The following SYVN1 variants were observed in gnomAD, a reference collection of about 807,000 sequenced individuals.
SYVN1 encodes synoviolin 1, also known as E3 ubiquitin-protein ligase synoviolin.
A neutral mutation model predicts 62.6 loss-of-function variants in SYVN1; 17 were observed. That is an observed-to-expected ratio of 0.27 (90% CI 0.19 to 0.41). SYVN1 has a LOEUF of 0.41. Among genes scored for constraint, SYVN1 ranks in the 10% least tolerant of loss-of-function variants. SYVN1 has a pLI of 1.00. For synonymous variants in SYVN1, 316 were observed against 304.0 expected (o/e 1.04, Z -0.41); for missense variants, 634 against 818.0 (o/e 0.78, Z 2.74).
At position 65,133,261 on chromosome 11, in the gene SYVN1, G is replaced by T. The variant is rs369147382; in HGVS notation, c.133-9C>A. ...GCCTGGATGTACAGGACCTAGGAGT[G>T]GGGAGAGGCTGTGGTTTGAGGTCAC... On this transcript the variant is annotated splice_polypyrimidine_tract_variant and intron_variant, in intron 2 of 15. Transcript: ENST00000377190. 2 of 1,613,990 alleles carry T rather than the reference G, an allele frequency of 1.2e-6. No individual in the cohort carries two copies. The highest frequency in any genetic ancestry group is 1.7e-6 in the Non-Finnish European group (2 of 1,179,850).
At chr11:65,133,697 T>C (rs1948210574) in intron 1 of SYVN1, 79 bp from the exon 2 acceptor site, 3 of 1,128,288 alleles carry the variant, frequency 2.7e-6, no homozygotes, top group Non-Finnish European at 3.8e-6. Context: ...CCTCAATTCA[T>C]AGGAGAAAGT....
Position 65,132,751 on chromosome 11 carries a change from G to T in SYVN1, c.408C>A (p.Leu136=), listed in dbSNP as rs765793823. 5 of 1,614,052 alleles carry T rather than the reference G, an allele frequency of 3.1e-6. No individual in the cohort carries two copies. Among genetic ancestry groups the T allele is most frequent in the Non-Finnish European group, 4.2e-6 (5 of 1,180,048 alleles). ...FMERSPNISW[L]FHCRIVSLMF... ...ACTCACAGACAATGCGGCAGTGAAA[G>T]AGCCAGGAGATGTTGGGGCTGCGTT... The change falls in exon 5 of 16, where the codon CTC becomes CTA. Residue 136 remains leucine, a synonymous_variant. Transcript: ENST00000377190.
Position 65,133,785 on chromosome 11 carries a change from C to T in SYVN1, c.-17-167G>A, listed in dbSNP as rs559570527. Reference sequence around the variant, plus strand: ...GCTACCCCATTTTACAAATTAGACTCGAAGGGGTTAAGTGATCACACTGAC... The same window carrying T: ...GCTACCCCATTTTACAAATTAGACTTGAAGGGGTTAAGTGATCACACTGAC... On this transcript the variant is annotated intron_variant, in intron 1 of 15. Transcript: ENST00000377190. Among the ~76,000 whole-genome samples, 9 of 152,362 alleles carry T rather than the reference C, an allele frequency of 5.9e-5. No homozygotes were observed. In the South Asian group the frequency reaches 1.0e-3, roughly 18 times the overall value.
intron 14 of SYVN1, 107 bp downstream of exon 14, chr11:65,129,622 C>T (rs1948148307): frequency 1.8e-6 from 2 of 1,094,490 alleles, no homozygotes; most frequent in African/African-American, 1.6e-5. Flanking sequence ...TGTAGATAGG[C>T]AGCCTGAATT....
Position 65,127,301 on chromosome 11 carries a change from G to A in SYVN1, c.*1081C>T, listed in dbSNP as rs1948113348. 2.2e-6 allele frequency: 1 copy of A among 455,462 alleles called. No individual in the cohort carries two copies. The highest frequency in any genetic ancestry group is 3.9e-6 in the Non-Finnish European group (1 of 258,264). 28.2% of individuals were successfully genotyped at this position (455,462 alleles called of 1,614,324 possible). ...CAATTGTTAATGCAAGTTTTTATTT[G>A]GCTGTATATACAATTTAAGCTATTA... is the stretch of plus-strand genomic sequence containing the variant. On this transcript the variant is annotated 3_prime_UTR_variant, in exon 16 of 16. Coordinates refer to ENST00000377190, the MANE Select transcript of SYVN1 (RefSeq NM_172230.3).
In SYVN1 at chr11:65,130,182, A is replaced by G. The variant is rs1948158863; in HGVS notation, c.1235-7T>C. The G allele has an allele frequency of 6.2e-7, 1 of 1,605,436 alleles. No homozygotes were observed. Among genetic ancestry groups the G allele is most frequent in the Admixed American group, 1.7e-5 (1 of 58,890 alleles). On this transcript the variant is annotated splice_region_variant and splice_polypyrimidine_tract_variant and intron_variant, in intron 12 of 15. Coordinates refer to ENST00000377190, the MANE Select transcript of SYVN1 (RefSeq NM_172230.3). ...CTGGGCCGAGAAAGGGCTGCTGAAG[A>G]GCAGGAACGAAGTCAGTGAGTGTTC...
At position 65,129,917 on chromosome 11, in the gene SYVN1, T is replaced by TGG. The variant is rs2137240524; in HGVS notation, c.1409-4_1409-3dup. 1 of 1,612,798 alleles carries TGG rather than the reference T, an allele frequency of 6.2e-7. No individual in the cohort carries two copies. ...GGGGCACAGGCATTGGGGGGAAGGC[T>TGG]GGAGAGAGAGAGGCTCAGTCTGGGC... On this transcript the variant is annotated splice_polypyrimidine_tract_variant and splice_region_variant and intron_variant, in intron 13 of 15. Coordinates refer to ENST00000377190, the MANE Select transcript of SYVN1 (RefSeq NM_172230.3).
intron 3 of SYVN1, 34 bp downstream of exon 3, chr11:65,133,126 C>A: frequency 1.2e-6 from 2 of 1,614,146 alleles, no homozygotes. Flanking sequence ...TTCCCAGCAC[C>A]CTGCCCTCAC....
chr11:65,127,336 C>T lies in SYVN1; in HGVS notation c.*1046G>A. On this transcript the variant is annotated 3_prime_UTR_variant, in exon 16 of 16. Transcript: ENST00000377190. The stretch of plus-strand genomic sequence containing the variant: ...ACAATTTAAGCTATTAAAATTTGTA[C>T]AATATTTACAAATTAAATAATCATC... 1 of 370,292 alleles carries T rather than the reference C, an allele frequency of 2.7e-6. No homozygotes were observed. The highest frequency in any genetic ancestry group is 2.1e-5 in the African/African-American group (1 of 47,876). The allele number at this position is 370,292 out of a possible 1,614,324, so 22.9% of individuals were successfully genotyped here.
At chr11:65,130,520 A>C in intron 11 of SYVN1, 140 bp downstream of exon 11, 1 of 1,399,896 alleles carries the variant, frequency 7.1e-7, no homozygotes, top group Non-Finnish European at 9.4e-7. Flanking sequence ...GCAAGCATCT[A>C]TTTCTCATCT....
At position 65,128,606 on chromosome 11, in the gene SYVN1, G is replaced by A. The variant is rs1250067892; in HGVS notation, c.1704C>T (p.Thr568=). Residue 568 remains threonine, a synonymous_variant, in exon 15 of 16, where the codon ACC becomes ACT. Coordinates refer to ENST00000377190, the MANE Select transcript of SYVN1 (RefSeq NM_172230.3). ...CAGGGGCTGGTGGGGAGGCTCCTGG[G>A]GTTGGGGTCGTGGCCTCTGAGCTAG... ...SIPSSEATTP[T]PGASPPAPEM... 4 of 1,613,992 alleles carry A rather than the reference G, an allele frequency of 2.5e-6. No homozygotes were observed. The highest frequency in any genetic ancestry group is 3.4e-6 in the Non-Finnish European group (4 of 1,179,994).
rs780482628 is a variant in SYVN1, at chr11:65,129,855, C to T, written c.1469G>A (p.Arg490Gln). The T allele has an allele frequency of 1.1e-5, 17 of 1,613,978 alleles. No individual in the cohort carries two copies. The highest frequency in any genetic ancestry group is 6.7e-5 in the East Asian group (3 of 44,904). Reference sequence around the variant, plus strand: ...CTGCCGCTCATGGCCCTCCAGAGCTCGTAGCTCCTCTGGGGTCAGCCCAGC... The same window carrying T: ...CTGCCGCTCATGGCCCTCCAGAGCTTGTAGCTCCTCTGGGGTCAGCCCAGC... ...GFAGLTPEEL[R>Q]ALEGHERQHL... Residue 490 changes from arginine to glutamine, a missense_variant, in exon 14 of 16, where the codon CGA (arginine) becomes CAA (glutamine). This residue lies in a region of SYVN1 where 351 missense variants were observed against 373.3 expected (regional missense o/e 0.94). Transcript: ENST00000377190.
chr11:65,131,009 G>A lies in SYVN1; in HGVS notation c.852C>T (p.Leu284=). The A allele has an allele frequency of 6.2e-7, 1 of 1,614,154 alleles. No homozygotes were observed. The highest frequency in any genetic ancestry group is 8.5e-7 in the Non-Finnish European group (1 of 1,180,022). Reference sequence around the variant, plus strand: ...TGATGCAGACATTGTCCATTGCCTGGAGCTCCTCTGGGGTGGCATCTGGAT... The same window carrying A: ...TGATGCAGACATTGTCCATTGCCTGAAGCTCCTCTGGGGTGGCATCTGGAT... ...TLYPDATPEE[L]QAMDNVCIIC... Residue 284 remains leucine, a synonymous_variant, in exon 10 of 16, where the codon CTC becomes CTT. Transcript: ENST00000377190.
rs1021241750 is a variant in SYVN1, at chr11:65,129,827, G to A, written c.1497C>T (p.His499=). Residue 499 remains histidine (H), a synonymous_variant, in exon 14 of 16, where the codon CAC becomes CAT. Coordinates refer to ENST00000377190, the MANE Select transcript of SYVN1 (RefSeq NM_172230.3). The stretch of plus-strand genomic sequence containing the variant: ...GCAGGCTCTGCAGCCGGGCCTCCAG[G>A]TGCTGCCGCTCATGGCCCTCCAGAG... The part of the protein sequence containing the change: ...LRALEGHERQ[H]LEARLQSLRN... 6.2e-7 allele frequency: 1 copy of A among 1,614,078 alleles called. No individual in the cohort carries two copies. The highest frequency in any genetic ancestry group is 8.5e-7 in the Non-Finnish European group (1 of 1,180,044).
chr11:65,132,173 G>A (rs1479285645), intron 6 of SYVN1, 75 bp downstream of exon 6: 14 of 1,166,990 alleles, frequency 1.2e-5, no homozygotes, highest in Non-Finnish European at 1.8e-5. Context: ...TGCTGAGGAA[G>A]GGTCTGTTGG....
chr11:65,128,871 A>C, intron 14 of SYVN1, 157 bp from the exon 15 acceptor site: 1 of 770,502 alleles, frequency 1.3e-6, no homozygotes, highest in Non-Finnish European at 2.0e-6. Flanking sequence ...GAATGAACTC[A>C]GACAGGGTGA....
intron 5 of SYVN1, 82 bp from the exon 6 acceptor site, chr11:65,132,433 C>T: frequency 1.0e-6 from 1 of 984,974 alleles, no homozygotes; most frequent in African/African-American, 1.6e-5. Context: ...CAGCCCCACC[C>T]TCAAGCCCAC....
At chr11:65,128,825 T>G in intron 14 of SYVN1, 111 bp from the exon 15 acceptor site, 1 of 1,177,360 alleles carries the variant, frequency 8.5e-7, no homozygotes, top group Non-Finnish European at 1.2e-6. Flanking sequence ...TGTGCCCTTG[T>G]GGCCCCAGTG....
intron 11 of SYVN1, 37 bp from the exon 12 acceptor site, chr11:65,130,416 T>C (rs757235239): frequency 6.6e-6 from 10 of 1,509,568 alleles, no homozygotes; most frequent in Non-Finnish European, 8.8e-6. Flanking sequence ...AAGGGCCAAA[T>C]GGACACAGAC....
Sources: allele counts gnomAD v4.1 joint callset (sites outside exome capture counted in the v4.1 genomes callset), GRCh38; gene constraint gnomAD v4.1.1; regional missense constraint gnomAD v4.1.1; transcripts MANE v1.5; gene names NCBI Gene and HGNC (gene_info 2026-07-23, HGNC 2026-07-21).